Variants in SEPSECS observed in about 807,000 individuals in gnomAD.
SEPSECS encodes the protein Sep (O-phosphoserine) tRNA:Sec (selenocysteine) tRNA synthase, also known as O-phosphoseryl-tRNA(Sec) selenium transferase.
In SEPSECS, 42 loss-of-function variants were observed where a neutral mutation model predicts 52.1. The ratio of observed to expected loss-of-function variants is 0.81; its 90% CI spans 0.63 to 1.04. The LOEUF is 1.04. Among genes scored for constraint, SEPSECS ranks in the 50% least tolerant of loss-of-function variants. SEPSECS has a pLI of 0.00. For missense variants in SEPSECS, 590 were observed against 610.6 expected, an observed-to-expected ratio of 0.97 and a Z score of 0.36; for synonymous variants, 216 against 211.4, an observed-to-expected ratio of 1.02 and a Z score of -0.19.
chr4:25,150,561 T>C (rs181890642), intron 6 of SEPSECS, among the ~76,000 whole-genome samples: 18 of 152,254 alleles, frequency 1.2e-4, no homozygotes, highest in African/African-American at 4.3e-4. Context: ...ACATCATTAT[T>C]TTATATGTCA....
intron 2 of SEPSECS, 132 bp downstream of exon 2, chr4:25,158,821 T>C (rs1043778914): frequency 2.3e-6 from 2 of 864,180 alleles, no homozygotes; most frequent in Non-Finnish European, 3.7e-6. Context: ...TTGGCTTACA[T>C]ATCCATTAGA....
chr4:25,159,217 T>C (rs989917848), intron 1 of SEPSECS, 110 bp from the exon 2 acceptor site: 2 of 941,936 alleles, frequency 2.1e-6, no homozygotes, highest in African/African-American at 3.3e-5. Context: ...CGCTGCTTGT[T>C]TTCTAAAATT....
chr4:25,136,919 CA>C, intron 8 of SEPSECS, among the ~76,000 whole-genome samples: 1 of 152,262 alleles, frequency 6.6e-6, no homozygotes, highest in East Asian at 1.9e-4. Context: ...CACACATCTA[CA>C]ACCATCTGAT....
rs868228520 is a variant in SEPSECS, at chr4:25,133,943, G to A, written c.1027-6586C>T. 3.7e-4 allele frequency among the ~76,000 whole-genome samples: 56 copies of A among 150,322 alleles called. No individual in the cohort carries two copies. The Middle Eastern group carries it at 0.011, about 30-fold the overall frequency. On this transcript the variant is annotated intron_variant, in intron 8 of 10. Coordinates refer to ENST00000382103, the MANE Select transcript of SEPSECS (RefSeq NM_016955.4). ...AAACTGGGCAACATGGCAAAACCCT[G>A]TCTCTACAAAAAGTAAAAAAAAATA...
rs774890540 is a variant in SEPSECS at position 25,132,202 on chromosome 4, AAG to A, written c.1027-4847_1027-4846del. On this transcript the variant is annotated intron_variant, in intron 8 of 10. Transcript: ENST00000382103. The stretch of plus-strand genomic sequence containing the variant: ...TGTGAAAAAGATAAAGCCTTTTCTG[AAG>A]AGATAGAGCTAGATGAAATAACCTC... Among the ~76,000 whole-genome samples the A allele has an allele frequency of 4.6e-5, 7 of 152,358 alleles. No homozygotes were observed. The East Asian group carries it at 7.7e-4, about 17-fold the overall frequency.
intron 9 of SEPSECS, 146 bp from the exon 10 acceptor site, chr4:25,125,930 G>A: frequency 4.5e-6 from 3 of 665,876 alleles, no homozygotes; most frequent in Admixed American, 2.4e-5. Context: ...TAAATCTTAG[G>A]GATTTGTTTA....
At chr4:25,147,344 G>C (rs569153684) in intron 6 of SEPSECS, among the ~76,000 whole-genome samples, 2 of 152,164 alleles carry the variant, frequency 1.3e-5, no homozygotes, top group Admixed American at 6.5e-5. Flanking sequence ...AGATTTTGTT[G>C]GATTCACTAT....
Position 25,155,216 on chromosome 4 carries a change from C to A in SEPSECS, c.548-65G>T. 3 of 1,539,248 alleles carry A rather than the reference C, an allele frequency of 1.9e-6. No homozygotes were observed. In the Admixed American group the frequency reaches 5.1e-5, roughly 26 times the overall value. Reference sequence around the variant, plus strand: ...TAAAATAAGGGAAGATCCTGAAACTCTAGGAAGCATGCTATTCTACACAAG... The same window carrying A: ...TAAAATAAGGGAAGATCCTGAAACTATAGGAAGCATGCTATTCTACACAAG... On this transcript the variant is annotated intron_variant, in intron 4 of 10. Transcript: ENST00000382103.
intron 8 of SEPSECS, among the ~76,000 whole-genome samples, chr4:25,135,970 A>G (rs1728825484): frequency 6.6e-6 from 1 of 152,248 alleles, no homozygotes; most frequent in Admixed American, 6.5e-5. Flanking sequence ...TTATCTCAAT[A>G]GATGCAGAAA....
intron 8 of SEPSECS, among the ~76,000 whole-genome samples, chr4:25,143,439 T>C (rs535014164): frequency 6.6e-6 from 1 of 152,362 alleles, no homozygotes; most frequent in South Asian, 2.1e-4. Flanking sequence ...CTGTACAATA[T>C]GTAGCCTTTT....
intron 2 of SEPSECS, among the ~76,000 whole-genome samples, chr4:25,158,669 T>G (rs993746120): frequency 6.6e-6 from 1 of 152,116 alleles, no homozygotes; most frequent in African/African-American, 2.4e-5. Context: ...CAGATATGTT[T>G]ATTAGGGTAA....
Position 25,124,205 on chromosome 4 carries a change from A to T in SEPSECS, c.1232T>A (p.Met411Lys), listed in dbSNP as rs753706371. 1.2e-6 allele frequency: 2 copies of T among 1,613,462 alleles called. No homozygotes were observed. Among genetic ancestry groups the T allele is most frequent in the South Asian group, 2.2e-5 (2 of 91,054 alleles). ...GAAAGTATAGCCACTCACAGTTTGC[A>T]TGGACCCAAGAGGCACAACCCTGAA... ...SGARVVPLGS[M>K]QTVSGYTFRG... is the part of the protein sequence containing the mutation. The change falls in exon 11 of 11, where the codon ATG becomes AAG. Residue 411 changes from methionine (M) to lysine (K), a missense_variant. Coordinates refer to ENST00000382103, the MANE Select transcript of SEPSECS (RefSeq NM_016955.4).
At chr4:25,131,248 T>C (rs944628135) in intron 8 of SEPSECS, among the ~76,000 whole-genome samples, 3 of 152,236 alleles carry the variant, frequency 2.0e-5, no homozygotes, top group African/African-American at 7.2e-5. Flanking sequence ...CTAAATTTTA[T>C]GTGAAACGGT....
At chr4:25,140,843 T>G (rs530111927) in intron 8 of SEPSECS, among the ~76,000 whole-genome samples, 1 of 152,032 alleles carries the variant, frequency 6.6e-6, no homozygotes, top group Non-Finnish European at 1.5e-5. Flanking sequence ...TCCCTCCTCC[T>G]TAATACACAG....
At chr4:25,151,758 G>T (rs895492776) in intron 6 of SEPSECS, among the ~76,000 whole-genome samples, 1 of 152,100 alleles carries the variant, frequency 6.6e-6, no homozygotes, top group Non-Finnish European at 1.5e-5. Context: ...GCCTACCAAA[G>T]CTATCAGTCC....
chr4:25,130,789 C>T lies in SEPSECS; in HGVS notation c.1027-3432G>A, dbSNP rs116765777. On this transcript the variant is annotated intron_variant, in intron 8 of 10. Transcript: ENST00000382103. Reference sequence around the variant, plus strand: ...ACTATACCACTATCCTACACTAATACTTAGCTAAGCAGTTTTTTACCTGAT... The same window carrying T: ...ACTATACCACTATCCTACACTAATATTTAGCTAAGCAGTTTTTTACCTGAT... 6.4e-3 allele frequency among the ~76,000 whole-genome samples: 978 copies of T among 152,234 alleles called. 5 individuals carry two copies. Among genetic ancestry groups the T allele is most frequent in the Non-Finnish European group, 9.8e-3 (665 of 67,992 alleles).
At chr4:25,151,897 TA>T in intron 6 of SEPSECS, 62 bp downstream of exon 6, 1 of 902,112 alleles carries the variant, frequency 1.1e-6, no homozygotes, top group South Asian at 1.3e-5. Context: ...GAAAAAGTAA[TA>T]ATCCTATAAT....
chr4:25,152,445 A>G lies in SEPSECS; in HGVS notation c.702-383T>C, dbSNP rs1363513644. Among the ~76,000 whole-genome samples the G allele has an allele frequency of 3.3e-5, 5 of 152,026 alleles. No homozygotes were observed. In the East Asian group the frequency reaches 9.6e-4, roughly 29 times the overall value. On this transcript the variant is annotated intron_variant, in intron 5 of 10. Coordinates refer to ENST00000382103, the MANE Select transcript of SEPSECS (RefSeq NM_016955.4). ...TTTGGTTGCTTACCATACTGAAGCT[A>G]GTATCTGCAAAATAATTAGCATATC... is the stretch of plus-strand genomic sequence containing the variant.
intron 6 of SEPSECS, among the ~76,000 whole-genome samples, chr4:25,148,451 A>C (rs1712117625): frequency 6.6e-6 from 1 of 151,818 alleles, no homozygotes; most frequent in Non-Finnish European, 1.5e-5. Flanking sequence ...ATTGAGATGA[A>C]TTAAGGCTAA....
Sources: gnomAD v4.1 joint callset for allele counts (sites outside exome capture counted in the v4.1 genomes callset) on GRCh38, gnomAD v4.1.1 for gene constraint, MANE v1.5 for transcripts, NCBI Gene and HGNC (gene_info 2026-07-23, HGNC 2026-07-21) for gene names.